Variants in AJUBA observed in about 807,000 individuals in gnomAD.
The protein encoded by AJUBA is ajuba LIM protein.
A neutral mutation model predicts 53.3 loss-of-function variants in AJUBA; 20 were observed. That is an observed-to-expected ratio of 0.38 (90% CI 0.26 to 0.55). The LOEUF (loss-of-function observed/expected upper bound fraction) is 0.55, where lower values mean the gene tolerates loss of function less well. Among genes scored for constraint, AJUBA ranks in the 20% least tolerant of loss-of-function variants. AJUBA has a pLI of 0.80. For synonymous variants in AJUBA, 296 were observed against 306.2 expected, an observed-to-expected ratio of 0.97 and a Z score of 0.35; for missense variants, 580 against 730.5, an observed-to-expected ratio of 0.79 and a Z score of 2.38.
Position 22,981,601 on chromosome 14 carries a change from G to A in AJUBA, c.666C>T (p.Phe222=). Residue 222 remains phenylalanine, a synonymous_variant, in exon 1 of 8, where the codon TTC becomes TTT. Coordinates refer to ENST00000262713, the MANE Select transcript of AJUBA (RefSeq NM_032876.6). ...ACGAGTGGCGGCTTTCCTGGCAGCC[G>A]AACCCCGCGGGCCGCTGAGCGTACA... The part of the protein sequence containing the change: ...DRLYAQRPAG[F]GCQESRHSYP... 6.5e-7 allele frequency: 1 copy of A among 1,537,996 alleles called. No homozygotes were observed. The highest frequency in any genetic ancestry group is 8.7e-7 in the Non-Finnish European group (1 of 1,145,822).
chr14:22,976,861 A>G (rs2045042112), intron 2 of AJUBA, 149 bp from the exon 3 acceptor site: 2 of 1,436,230 alleles, frequency 1.4e-6, no homozygotes, highest in Non-Finnish European at 1.8e-6. Context: ...CCGCACAAAA[A>G]TTCCATCTGA....
At position 22,972,409 on chromosome 14, in the gene AJUBA, G is replaced by A. The variant is rs1445821909; in HGVS notation, c.*1034C>T. 6.6e-6 allele frequency: 1 copy of A among 152,454 alleles called. No individual in the cohort carries two copies. The highest frequency in any genetic ancestry group is 1.9e-4 in the East Asian group (1 of 5,178). The allele number at this position is 152,454 out of a possible 1,614,324, so 9.4% of individuals were successfully genotyped here. The stretch of plus-strand genomic sequence containing the variant: ...GAACACACCCACACATGCATACACT[G>A]GGCTATATGGCTCAGTGCACCTAAA... On this transcript the variant is annotated 3_prime_UTR_variant, in exon 8 of 8. Transcript: ENST00000262713.
In AJUBA at chr14:22,981,851, C is replaced by A; in HGVS notation, c.416G>T (p.Arg139Leu). 2 of 1,534,362 alleles carry A rather than the reference C, an allele frequency of 1.3e-6. No homozygotes were observed. The highest frequency in any genetic ancestry group is 1.7e-6 in the Non-Finnish European group (2 of 1,145,998). ...ASDASKPSSPRGSLLLDGAGA... is the reference protein window; with the variant it reads ...ASDASKPSSPLGSLLLDGAGA... ...CGCCCCGTCCAGCAGCAGGCTGCCC[C>A]GGGGGCTGGACGGCTTGCTCGCGTC... Residue 139 changes from arginine to leucine, a missense_variant, in exon 1 of 8, where the codon CGG becomes CTG. Arg to Leu is a moderately radical substitution (Grantham distance 102). This residue lies in a region of AJUBA where 430 missense variants were observed against 471.5 expected (regional missense o/e 0.91). Transcript: ENST00000262713.
rs2045011872 is a variant in AJUBA at position 22,974,129 on chromosome 14, A to AC, written c.1423-15dup. ...GTCCTCACAGCCCTGAAACATGCAG[A>AC]CCCCCATGGAGATGAGAGCAGCATG... On this transcript the variant is annotated splice_polypyrimidine_tract_variant and intron_variant, in intron 6 of 7. Coordinates refer to ENST00000262713, the MANE Select transcript of AJUBA (RefSeq NM_032876.6). 2 of 1,613,038 alleles carry AC rather than the reference A, an allele frequency of 1.2e-6. No individual in the cohort carries two copies. The highest frequency in any genetic ancestry group is 1.7e-6 in the Non-Finnish European group (2 of 1,179,808).
chr14:22,977,103 A>G (rs1184343480), intron 2 of AJUBA: 20 of 1,038,954 alleles, frequency 1.9e-5, no homozygotes, highest in Admixed American at 5.0e-5. Context: ...CACATTGTTA[A>G]CAGGCCTTTC....
intron 4 of AJUBA, 128 bp downstream of exon 4, chr14:22,976,328 G>C: frequency 1.0e-6 from 1 of 987,088 alleles, no homozygotes; most frequent in East Asian, 2.4e-5. Context: ...CTCTGGGGAG[G>C]AATGGGATGA....
intron 7 of AJUBA, 58 bp downstream of exon 7, chr14:22,973,989 C>T: frequency 6.3e-7 from 1 of 1,590,592 alleles, no homozygotes; most frequent in Non-Finnish European, 8.6e-7. Context: ...CAGGACTTGA[C>T]TCCTCCCCTC....
chr14:22,974,526 A>G (rs2045015679), intron 6 of AJUBA: 1 of 450,046 alleles, frequency 2.2e-6, no homozygotes, highest in Non-Finnish European at 4.0e-6. Context: ...CCTTCCTACC[A>G]GTGCTGAGGA....
intron 1 of AJUBA, among the ~76,000 whole-genome samples, chr14:22,980,892 A>G (rs2045082686): frequency 6.6e-6 from 1 of 151,938 alleles, no homozygotes; most frequent in Non-Finnish European, 1.5e-5. Context: ...CGCGGCGCGC[A>G]CAAACCTCCA....
At chr14:22,975,170 C>T in intron 4 of AJUBA, 66 bp from the exon 5 acceptor site, 4 of 1,563,692 alleles carry the variant, frequency 2.6e-6, no homozygotes, top group Non-Finnish European at 3.5e-6. Context: ...GCCCATTATG[C>T]TCCTTATTAC....
Position 22,973,562 on chromosome 14 carries a change from G to A in AJUBA, c.1498C>T (p.Arg500Trp), listed in dbSNP as rs201167268. 358 of 1,614,072 alleles carry A rather than the reference G, an allele frequency of 2.2e-4. No individual in the cohort carries two copies. The highest frequency in any genetic ancestry group is 2.9e-4 in the Non-Finnish European group (339 of 1,179,978). ...CCTTCCTCATCACTCAGCTGCATCC[G>A]GCAGTCCTAGGGAAGAAGGCACCTA... ...HFECYHCEDC[R>W]MQLSDEEGCC... The change falls in exon 8 of 8, where the codon CGG becomes TGG. Residue 500 changes from arginine to tryptophan, a missense_variant. Arg to Trp is a moderately radical substitution (Grantham distance 101). Transcript: ENST00000262713.
Position 22,973,069 on chromosome 14 carries a change from G to A in AJUBA, c.*374C>T. The A allele has an allele frequency of 4.3e-6, 1 of 231,282 alleles. No homozygotes were observed. The highest frequency in any genetic ancestry group is 6.2e-5 in the South Asian group (1 of 16,248). The allele number at this position is 231,282 out of a possible 1,614,324, so 14.3% of individuals were successfully genotyped here. ...GCACTTTGGGAGGCCAAGGTGGGAG[G>A]ATCATTCGAGCCCAGGAGTTCAAGA... On this transcript the variant is annotated 3_prime_UTR_variant, in exon 8 of 8. Transcript: ENST00000262713.
At position 22,973,573 on chromosome 14, in the gene AJUBA, G is replaced by A. The variant is rs778979353; in HGVS notation, c.1492-5C>T. 5.6e-6 allele frequency: 9 copies of A among 1,614,042 alleles called. 1 individual carries two copies. Among genetic ancestry groups the A allele is most frequent in the Admixed American group, 5.0e-5 (3 of 60,014 alleles). On this transcript the variant is annotated splice_polypyrimidine_tract_variant and splice_region_variant and intron_variant, in intron 7 of 7. Transcript: ENST00000262713. ...ACTCAGCTGCATCCGGCAGTCCTAGGGAAGAAGGCACCTAGTTCACCTCAG... is the reference window on the plus strand; with the variant it reads ...ACTCAGCTGCATCCGGCAGTCCTAGAGAAGAAGGCACCTAGTTCACCTCAG...
chr14:22,981,515 G>A lies in AJUBA; in HGVS notation c.752C>T (p.Pro251Leu). ...LAGAGVGAAG[P>L]LERRGAQPGR... ...GGGTTGCGCCCCCCGTCTCTCCAAG[G>A]GCCCCGCCGCTCCCACTCCGGCCCC... The change falls in exon 1 of 8, where the codon CCC (proline) becomes CTC (leucine). Residue 251 changes from proline to leucine, a missense_variant. Physicochemically the swap from Pro to Leu is moderately conservative, Grantham distance 98. Transcript: ENST00000262713. 1 of 1,578,054 alleles carries A rather than the reference G, an allele frequency of 6.3e-7. No individual in the cohort carries two copies. The highest frequency in any genetic ancestry group is 8.6e-7 in the Non-Finnish European group (1 of 1,164,648).
Position 22,979,433 on chromosome 14 carries a change from G to T in AJUBA, c.1007-988C>A, listed in dbSNP as rs1237150677. On this transcript the variant is annotated intron_variant, in intron 1 of 7. Coordinates refer to ENST00000262713, the MANE Select transcript of AJUBA (RefSeq NM_032876.6). This position sits in a 1 kb window ranked among gnomAD's most constrained non-coding sequence, Gnocchi z 4.0. ...GTGCAGCAGCTGCAGCAACTGATGG[G>T]CCCAGGCCTGTCCTGCTCCCACCCT... is the stretch of plus-strand genomic sequence containing the variant. Among the ~76,000 whole-genome samples the T allele has an allele frequency of 6.6e-6, 1 of 152,218 alleles. No individual in the cohort carries two copies. Among genetic ancestry groups the T allele is most frequent in the Non-Finnish European group, 1.5e-5 (1 of 68,038 alleles).
At chr14:22,974,776 C>G in intron 6 of AJUBA, 63 bp downstream of exon 6, 1 of 1,550,986 alleles carries the variant, frequency 6.4e-7, no homozygotes, top group Non-Finnish European at 8.8e-7. Flanking sequence ...GGCAGCATGT[C>G]CCTATCCCCT....
rs2045114354 is a variant in AJUBA at position 22,982,519 on chromosome 14, G to C, written c.-253C>G. On this transcript the variant is annotated 5_prime_UTR_variant, in exon 1 of 8. Coordinates refer to ENST00000262713, the MANE Select transcript of AJUBA (RefSeq NM_032876.6). The stretch of plus-strand genomic sequence containing the variant: ...TCTGGCCGCGGCTGTCCAGTCCGCA[G>C]GTCTATCTGTTCACGCGTCGACTCG... 17 of 1,370,458 alleles carry C rather than the reference G, an allele frequency of 1.2e-5. No homozygotes were observed. The highest frequency in any genetic ancestry group is 1.6e-5 in the Non-Finnish European group (17 of 1,066,028). 84.9% of individuals were successfully genotyped at this position (1,370,458 alleles called of 1,614,324 possible). A position where few individuals can be genotyped will look rare whatever the true frequency, so the allele number is the denominator to read the frequency against.
In AJUBA at chr14:22,981,280, C is replaced by T; in HGVS notation, c.987G>A (p.Glu329=). 6.2e-7 allele frequency: 1 copy of T among 1,610,460 alleles called. No homozygotes were observed. The highest frequency in any genetic ancestry group is 2.2e-5 in the East Asian group (1 of 44,758). ...EAARARMREP[E]AREDYFGTCI... ...ACTCACCGAAGTAGTCCTCCCTGGC[C>T]TCTGGCTCCCGCATCCGGGCCCGGG... Residue 329 remains glutamate, a synonymous_variant, in exon 1 of 8, where the codon GAG becomes GAA. Transcript: ENST00000262713.
intron 1 of AJUBA, chr14:22,980,513 A>C (rs1202229576): frequency 2.5e-6 from 2 of 792,088 alleles, no homozygotes; most frequent in African/African-American, 3.8e-5. Flanking sequence ...ATGGTGTCCC[A>C]GTAGTCATGA....
Sources: allele counts gnomAD v4.1 joint callset (sites outside exome capture counted in the v4.1 genomes callset), GRCh38; gene constraint gnomAD v4.1.1; regional missense constraint gnomAD v4.1.1; non-coding constraint Gnocchi (gnomAD v3.1); transcripts MANE v1.5; gene names NCBI Gene and HGNC (gene_info 2026-07-23, HGNC 2026-07-21).